RECK: variants seen among roughly 807,000 people sequenced by gnomAD.
RECK encodes the protein reversion-inducing cysteine-rich protein with Kazal motifs.
A neutral mutation model predicts 115.1 loss-of-function variants in RECK; 69 were observed. That is an observed-to-expected ratio of 0.60 (90% CI 0.49 to 0.73). The LOEUF is 0.73. RECK is among the 30% of genes least tolerant of loss of function. The pLI, the probability that RECK is intolerant of heterozygous loss-of-function variation, is 0.00. For synonymous variants in RECK, 414 were observed against 419.7 expected, an observed-to-expected ratio of 0.99 and a Z score of 0.17; for missense variants, 1,047 against 1,203.7, an observed-to-expected ratio of 0.87 and a Z score of 1.93.
rs376475281 is a variant in RECK at position 36,109,769 on chromosome 9, G to A, written c.1766-188G>A. 9.2e-5 allele frequency among the ~76,000 whole-genome samples: 14 copies of A among 152,116 alleles called. No homozygotes were observed. In the East Asian group the frequency reaches 1.9e-3, roughly 21 times the overall value. On this transcript the variant is annotated intron_variant, in intron 14 of 20. Coordinates refer to ENST00000377966, the MANE Select transcript of RECK (RefSeq NM_021111.3). ...TGAGGTGGGAGGATCACCTGAGCCCGGGAAGCGGAGGTTGCAGTGAGCTGG... is the reference window on the plus strand; with the variant it reads ...TGAGGTGGGAGGATCACCTGAGCCCAGGAAGCGGAGGTTGCAGTGAGCTGG...
chr9:36,108,056 GGTT>G lies in RECK; in HGVS notation c.1661_1663del (p.Cys554del). 1 of 1,614,008 alleles carries G rather than the reference GGTT, an allele frequency of 6.2e-7. No individual in the cohort carries two copies. The highest frequency in any genetic ancestry group is 8.5e-7 in the Non-Finnish European group (1 of 1,179,892). On this transcript the variant is annotated inframe_deletion, in exon 14 of 21. Coordinates refer to ENST00000377966, the MANE Select transcript of RECK (RefSeq NM_021111.3). ...GGTGCCATCATCTGCAGGGGAAGTT[GGTT>G]GTTATAAAATCTGTTCATGTGGACA...
intron 5 of RECK, 62 bp downstream of exon 5, chr9:36,063,942 A>G (rs1279536181): frequency 8.6e-6 from 13 of 1,515,034 alleles, no homozygotes; most frequent in East Asian, 2.3e-5. Flanking sequence ...AGCTGTGCAC[A>G]TGTCTTGGGC....
At chr9:36,082,177 T>TCTCTCTCTCTCC (rs1490131945) in intron 7 of RECK, among the ~76,000 whole-genome samples, 2 of 150,870 alleles carry the variant, frequency 1.3e-5, no homozygotes, top group Non-Finnish European at 3.0e-5. Context: ...TCTCTCTCTC[T>TCTCTCTCTCTCC]CTCTCTCTCT....
At chr9:36,092,853 A>G (rs1823214385) in intron 10 of RECK, among the ~76,000 whole-genome samples, 1 of 151,966 alleles carries the variant, frequency 6.6e-6, no homozygotes, top group African/African-American at 2.4e-5. Context: ...CTGCCAGAGA[A>G]GCTAGATATT....
Position 36,100,340 on chromosome 9 carries a change from AC to A in RECK, c.1096del (p.Leu366PhefsTer14). 1 of 1,613,868 alleles carries A rather than the reference AC, an allele frequency of 6.2e-7. No individual in the cohort carries two copies. The highest frequency in any genetic ancestry group is 8.5e-7 in the Non-Finnish European group (1 of 1,179,862). ...CCTTTTTTCTCTTTAGGCCAACAGA[AC>A]TTTTCAGGAGTTGTAATGCACAGTC... ...CTNFNNRPTE[L>X]FRSCNAQSDQ... On this transcript the variant is annotated frameshift_variant, in exon 11 of 21. Transcript: ENST00000377966. LOFTEE classifies it high-confidence loss of function.
chr9:36,091,030 T>C, intron 9 of RECK, 134 bp from the exon 10 acceptor site: 1 of 664,578 alleles, frequency 1.5e-6, no homozygotes, highest in Middle Eastern at 4.0e-4. Flanking sequence ...TTCTAGGAAA[T>C]AGTCATTTGG....
At chr9:36,088,056 G>A (rs926452944) in intron 9 of RECK, 95 bp downstream of exon 9, 2 of 885,818 alleles carry the variant, frequency 2.3e-6, no homozygotes, top group East Asian at 2.5e-5. Context: ...TTCTTACGTG[G>A]TATAGGTTTA....
At chr9:36,063,023 T>C (rs1397147430) in intron 4 of RECK, among the ~76,000 whole-genome samples, 1 of 151,924 alleles carries the variant, frequency 6.6e-6, no homozygotes, top group East Asian at 1.9e-4. Context: ...TAGTCCCAGC[T>C]ACTCAGGAGG....
In RECK at chr9:36,068,662, G is replaced by C. The variant is rs564640469; in HGVS notation, c.405+3038G>C. ...GCTTCACGAGGCTCAGAAGTCAGGAGACAAATCCTGGGTTCTGATTGAAGG... is the reference window on the plus strand; with the variant it reads ...GCTTCACGAGGCTCAGAAGTCAGGACACAAATCCTGGGTTCTGATTGAAGG... On this transcript the variant is annotated intron_variant, in intron 6 of 20. Transcript: ENST00000377966. 2.0e-5 allele frequency among the ~76,000 whole-genome samples: 3 copies of C among 152,302 alleles called. No individual in the cohort carries two copies. The East Asian group carries it at 5.8e-4, about 29-fold the overall frequency.
intron 6 of RECK, among the ~76,000 whole-genome samples, chr9:36,079,342 A>G (rs985888390): frequency 2.0e-5 from 3 of 152,180 alleles, no homozygotes; most frequent in Non-Finnish European, 4.4e-5. Context: ...AGATATAAAC[A>G]AGATCATTGT....
chr9:36,066,121 C>G (rs1011501089), intron 6 of RECK, among the ~76,000 whole-genome samples: 1 of 152,112 alleles, frequency 6.6e-6, no homozygotes, highest in Non-Finnish European at 1.5e-5. Context: ...TATATTAAAT[C>G]TGAAGGACTC....
intron 1 of RECK, among the ~76,000 whole-genome samples, chr9:36,043,009 ACTTT>A (rs1564096053): frequency 6.0e-4 from 45 of 75,422 alleles, no homozygotes; most frequent in Non-Finnish European, 6.4e-4. Flanking sequence ...TCCTTAGCCC[ACTTT>A]TTTTTTTTTT....
intron 6 of RECK, chr9:36,066,674 A>G (rs1822013455): frequency 2.0e-6 from 1 of 500,668 alleles, no homozygotes; most frequent in South Asian, 2.5e-5. Flanking sequence ...CTATCTTTGA[A>G]ATAACCAGTT....
chr9:36,059,829 T>C (rs1047763103), intron 3 of RECK, among the ~76,000 whole-genome samples: 6 of 152,210 alleles, frequency 3.9e-5, no homozygotes, highest in African/African-American at 1.4e-4. Flanking sequence ...ACTGACACAT[T>C]CCCTTTAGTC....
chr9:36,060,251 C>A, intron 4 of RECK, 96 bp downstream of exon 4: 1 of 1,235,484 alleles, frequency 8.1e-7, no homozygotes. Flanking sequence ...AATTTATACT[C>A]TGGAGTTTCT....
chr9:36,112,366 C>A lies in RECK; in HGVS notation c.1950C>A (p.Tyr650Ter). ...TATGTGGGCAGAATGGGCGCACTTA[C>A]CCCAGTGCCTGCATTGCTCGCTGTG... ...VPVCGQNGRTYPSACIARCVG... is the reference protein window; with the variant it reads ...VPVCGQNGRT Residue 650 changes from tyrosine to a stop codon, truncating the protein, a stop_gained, in exon 16 of 21, where the codon TAC becomes TAA. Transcript: ENST00000377966. LOFTEE classifies it high-confidence loss of function. 6.2e-7 allele frequency: 1 copy of A among 1,613,818 alleles called. No homozygotes were observed. Among genetic ancestry groups the A allele is most frequent in the Non-Finnish European group, 8.5e-7 (1 of 1,180,008 alleles).
intron 2 of RECK, among the ~76,000 whole-genome samples, chr9:36,055,264 A>G (rs1821478152): frequency 6.6e-6 from 1 of 152,224 alleles, no homozygotes; most frequent in African/African-American, 2.4e-5. Context: ...CTGAAAGTTT[A>G]CATAGTACCT....
chr9:36,049,245 G>T (rs1821189949), intron 1 of RECK, among the ~76,000 whole-genome samples: 1 of 152,070 alleles, frequency 6.6e-6, no homozygotes, highest in Non-Finnish European at 1.5e-5. Context: ...TCATTACATA[G>T]GCATACTTGA....
In RECK at chr9:36,121,680, G is replaced by T. The variant is rs556376769; in HGVS notation, c.2686G>T (p.Ala896Ser). The T allele has an allele frequency of 3.8e-5, 62 of 1,614,042 alleles. 1 individual carries two copies. The South Asian group carries it at 6.4e-4, about 17-fold the overall frequency. Residue 896 changes from alanine (A) to serine (S), a missense_variant, in exon 20 of 21, where the codon GCT (alanine) becomes TCT (serine). Coordinates refer to ENST00000377966, the MANE Select transcript of RECK (RefSeq NM_021111.3). Reference sequence around the variant, plus strand: ...CATTCCCGTCGATCACTATCCAAAAGCTCTGCAGGTGAGTTCAGCACATGT... The same window carrying T: ...CATTCCCGTCGATCACTATCCAAAATCTCTGCAGGTGAGTTCAGCACATGT... Reference protein sequence around the residue: ...LIIPVDHYPKALQIEACNKEA... With the variant: ...LIIPVDHYPKSLQIEACNKEA...
Sources: allele counts gnomAD v4.1 joint callset (sites outside exome capture counted in the v4.1 genomes callset), GRCh38; gene constraint gnomAD v4.1.1; transcripts MANE v1.5; gene names NCBI Gene and HGNC (gene_info 2026-07-23, HGNC 2026-07-21).